NINJ2: variants seen among roughly 807,000 people sequenced by gnomAD.
NINJ2 encodes ninjurin 2.
NINJ2 carries 12 observed loss-of-function variants against 11.7 expected under a neutral mutation model. The ratio of observed to expected loss-of-function variants is 1.02; its 90% CI spans 0.66 to 1.66. NINJ2 has a LOEUF of 1.66. Ranked by LOEUF, NINJ2 falls within the 40% of genes most tolerant of loss-of-function variation. The pLI is 0.00. For missense variants in NINJ2, 187 were observed against 181.8 expected (o/e 1.03, Z -0.16); for synonymous variants, 93 against 76.8 (o/e 1.21, Z -1.10).
At chr12:622,953 C>T (rs1948171270) in intron 1 of NINJ2, among the ~76,000 whole-genome samples, 1 of 152,152 alleles carries the variant, frequency 6.6e-6, no homozygotes, top group Non-Finnish European at 1.5e-5. Flanking sequence ...TTTGCCTTCT[C>T]CTAGTTGTCC....
chr12:584,562 T>C (rs986112201), intron 1 of NINJ2, among the ~76,000 whole-genome samples: 1 of 151,642 alleles, frequency 6.6e-6, no homozygotes, highest in Non-Finnish European at 1.5e-5. Flanking sequence ...TCCCAGCACT[T>C]TGGGAGGCGG....
rs1947550751 is a variant in NINJ2 at position 581,260 on chromosome 12, G to A, written c.34-15082C>T. On this transcript the variant is annotated intron_variant, in intron 1 of 3. Transcript: ENST00000305108. This position sits in a 1 kb window ranked among gnomAD's most constrained non-coding sequence, Gnocchi z 4.9. ...TATCCTGGGTCCTGGCCATAGACCT[G>A]TAGATGAGACAGGCTACAGACAAGG... 1.3e-5 allele frequency among the ~76,000 whole-genome samples: 2 copies of A among 152,270 alleles called. No individual in the cohort carries two copies. The highest frequency in any genetic ancestry group is 3.9e-4 in the East Asian group (2 of 5,188).
chr12:572,230 C>T (rs1041751542), intron 1 of NINJ2, among the ~76,000 whole-genome samples: 6 of 152,188 alleles, frequency 3.9e-5, no homozygotes, highest in Non-Finnish European at 8.8e-5. Flanking sequence ...GCTGAGAGGC[C>T]GCTGCAGGGC....
At chr12:662,875 A>G (rs1205950982) in intron 1 of NINJ2, among the ~76,000 whole-genome samples, 1 of 152,204 alleles carries the variant, frequency 6.6e-6, no homozygotes, top group African/African-American at 2.4e-5. Context: ...AAGACAGCCG[A>G]GAAACGGCTC....
At position 614,720 on chromosome 12, in the gene NINJ2, T is replaced by C. The variant is rs191732878; in HGVS notation, c.34-48542A>G. Among the ~76,000 whole-genome samples the C allele has an allele frequency of 2.1e-4, 32 of 152,272 alleles. No homozygotes were observed. Among genetic ancestry groups the C allele is most frequent in the African/African-American group, 6.5e-4 (27 of 41,544 alleles). On this transcript the variant is annotated intron_variant, in intron 1 of 3. Coordinates refer to ENST00000305108, the MANE Select transcript of NINJ2 (RefSeq NM_016533.6). The surrounding 1 kb of genome is among the most constrained non-coding windows in gnomAD (Gnocchi z 5.1). ...TCCTCCAAAGAAGGGAACAAAGGCT[T>C]GACACCTCAGGGCTCGGCCTGCCTG...
Position 565,338 on chromosome 12 carries a change from G to A in NINJ2, c.326C>T (p.Thr109Ile). Reference sequence around the variant, plus strand: ...GACCACAGTGAAGAAGACCAAGATGGTGGCTGCGTTGTTGAGCTGGTTGAG... The same window carrying A: ...GACCACAGTGAAGAAGACCAAGATGATGGCTGCGTTGTTGAGCTGGTTGAG... ...WRLNQLNNAA[T>I]ILVFFTVVIN... Residue 109 changes from threonine (T) to isoleucine (I), a missense_variant, in exon 3 of 4, where the codon ACC becomes ATC. Transcript: ENST00000305108. The A allele has an allele frequency of 6.2e-7, 1 of 1,614,242 alleles. No homozygotes were observed. The highest frequency in any genetic ancestry group is 8.5e-7 in the Non-Finnish European group (1 of 1,180,028).
rs141966105 is a variant in NINJ2 at position 644,108 on chromosome 12, G to T, written c.33+19220C>A. Reference sequence around the variant, plus strand: ...ACTAGAGTCTGCAAGTTAAAGTAAGGCAAGAAGGAAAACCGGAAACAACTG... The same window carrying T: ...ACTAGAGTCTGCAAGTTAAAGTAAGTCAAGAAGGAAAACCGGAAACAACTG... On this transcript the variant is annotated intron_variant, in intron 1 of 3. Transcript: ENST00000305108. The T allele has an allele frequency of 1.7e-3, 266 of 154,902 alleles. 4 individuals carry two copies. The highest frequency in any genetic ancestry group is 0.013 in the Admixed American group (197 of 15,298). 9.6% of individuals were successfully genotyped at this position (154,902 alleles called of 1,614,324 possible).
chr12:657,559 A>G (rs1346273848), intron 1 of NINJ2, among the ~76,000 whole-genome samples: 1 of 152,196 alleles, frequency 6.6e-6, no homozygotes, highest in Non-Finnish European at 1.5e-5. Flanking sequence ...ACTGCACTCC[A>G]GCCTGGAAGA....
At chr12:596,404 C>G (rs1204180142) in intron 1 of NINJ2, among the ~76,000 whole-genome samples, 1 of 152,162 alleles carries the variant, frequency 6.6e-6, no homozygotes, top group Non-Finnish European at 1.5e-5. Context: ...GCTTCATTAG[C>G]TGCAACAAAT....
chr12:568,555 G>A (rs1294702816), intron 1 of NINJ2, among the ~76,000 whole-genome samples: 2 of 152,170 alleles, frequency 1.3e-5, no homozygotes, highest in Non-Finnish European at 2.9e-5. Context: ...CCTGTGCCCC[G>A]CAGGCTGCCC....
At chr12:566,520 C>T (rs1175031714) in intron 1 of NINJ2, among the ~76,000 whole-genome samples, 1 of 152,164 alleles carries the variant, frequency 6.6e-6, no homozygotes, top group African/African-American at 2.4e-5. Flanking sequence ...CTGGGCCAGG[C>T]CTCAGCTTTG....
intron 1 of NINJ2, among the ~76,000 whole-genome samples, chr12:634,744 T>G (rs1948327485): frequency 6.6e-6 from 1 of 152,222 alleles, no homozygotes; most frequent in South Asian, 2.1e-4. Context: ...GCTGACATTT[T>G]AAATGCTCAT....
At chr12:644,886 G>A (rs1937652141) in intron 1 of NINJ2, 1 of 152,112 alleles carries the variant, frequency 6.6e-6, no homozygotes, top group Non-Finnish European at 1.5e-5. Context: ...CAGTGGGTTT[G>A]GATATAATCC....
intron 1 of NINJ2, among the ~76,000 whole-genome samples, chr12:599,212 T>A (rs2120898306): frequency 6.6e-6 from 1 of 151,950 alleles, no homozygotes; most frequent in Middle Eastern, 3.4e-3. Context: ...AGAAACCTTG[T>A]CTCTACTAAA....
At chr12:597,803 G>A (rs951069071) in intron 1 of NINJ2, among the ~76,000 whole-genome samples, 2 of 152,230 alleles carry the variant, frequency 1.3e-5, no homozygotes, top group East Asian at 1.9e-4. Flanking sequence ...CCTGCACCTC[G>A]GCAGTGCAGC....
intron 1 of NINJ2, among the ~76,000 whole-genome samples, chr12:649,736 AGAAAT>A (rs536889774): frequency 1.6e-4 from 25 of 152,112 alleles, no homozygotes; most frequent in African/African-American, 6.0e-4. Flanking sequence ...CCCATAATCC[AGAAAT>A]AACTAGTATT....
At chr12:626,116 G>T (rs1349196295) in intron 1 of NINJ2, among the ~76,000 whole-genome samples, 1 of 152,248 alleles carries the variant, frequency 6.6e-6, no homozygotes, top group African/African-American at 2.4e-5. Context: ...GATAGGATGG[G>T]ATGAGTTTGT....
chr12:579,872 T>C (rs1444623451), intron 1 of NINJ2, among the ~76,000 whole-genome samples: 1 of 152,216 alleles, frequency 6.6e-6, no homozygotes, highest in Non-Finnish European at 1.5e-5. Context: ...GCAAAACAAA[T>C]CTCTCCTCAA....
intron 1 of NINJ2, among the ~76,000 whole-genome samples, chr12:625,059 G>A (rs1394992258): frequency 7.1e-6 from 1 of 141,420 alleles, no homozygotes; most frequent in East Asian, 2.0e-4. Flanking sequence ...CAGTGATCGT[G>A]CCACTGCACT....
Sources: gnomAD v4.1 joint callset for allele counts (sites outside exome capture counted in the v4.1 genomes callset) on GRCh38, gnomAD v4.1.1 for gene constraint, Gnocchi (gnomAD v3.1) non-coding constraint, MANE v1.5 for transcripts, NCBI Gene and HGNC (gene_info 2026-07-23, HGNC 2026-07-21) for gene names.